The following MCUB variants were observed in gnomAD, a reference collection of about 807,000 sequenced individuals.
The protein encoded by MCUB is mitochondrial calcium uniporter dominant negative subunit beta, also known as calcium uniporter regulatory subunit MCUb, mitochondrial.
A neutral mutation model predicts 41.4 loss-of-function variants in MCUB; 46 were observed. The ratio of observed to expected loss-of-function variants is 1.11; its 90% CI spans 0.88 to 1.42. MCUB has a LOEUF of 1.42. MCUB is among the 40% of genes most tolerant of loss of function. MCUB has a pLI of 0.00. For synonymous variants in MCUB, 148 were observed against 148.2 expected, an observed-to-expected ratio of 1.00 and a Z score of 0.01; for missense variants, 403 against 404.9, an observed-to-expected ratio of 1.00 and a Z score of 0.04.
At chr4:109,592,386 G>C (rs1727458072) in intron 1 of MCUB, among the ~76,000 whole-genome samples, 1 of 151,582 alleles carries the variant, frequency 6.6e-6, no homozygotes, top group South Asian at 2.1e-4. Flanking sequence ...TTCCAGCCTG[G>C]GTGACAGAAC....
chr4:109,626,758 A>T (rs11734973), intron 1 of MCUB, among the ~76,000 whole-genome samples: 3 of 108,304 alleles, frequency 2.8e-5, no homozygotes, highest in Admixed American at 8.2e-5. Flanking sequence ...GGTTGCAGTG[A>T]GCTGAGATCA....
intron 1 of MCUB, among the ~76,000 whole-genome samples, chr4:109,656,079 C>G (rs1729090265): frequency 1.3e-5 from 2 of 152,000 alleles, no homozygotes; most frequent in Admixed American, 1.3e-4. Context: ...AGTAGTACAC[C>G]TGCAACTTTA....
Position 109,685,074 on chromosome 4 carries a change from T to G in MCUB, c.817-177T>G, listed in dbSNP as rs1579101122. The G allele has an allele frequency of 1.0e-5, 5 of 477,082 alleles. No individual in the cohort carries two copies. The East Asian group carries it at 1.6e-4, about 15-fold the overall frequency. The allele number at this position is 477,082 out of a possible 1,614,324, so 29.6% of individuals were successfully genotyped here. A position where few individuals can be genotyped will look rare whatever the true frequency, so the allele number is the denominator to read the frequency against. On this transcript the variant is annotated intron_variant, in intron 6 of 7. Transcript: ENST00000394650. The stretch of plus-strand genomic sequence containing the variant: ...CTGTTTTTGAAAGGAGCAGCAGATC[T>G]TAAATGAGACTAAATGTTTTGTGTT...
At chr4:109,576,349 T>G (rs1727028873) in intron 1 of MCUB, among the ~76,000 whole-genome samples, 1 of 152,164 alleles carries the variant, frequency 6.6e-6, no homozygotes, top group African/African-American at 2.4e-5. Context: ...AAATAACAAA[T>G]ATATATGAAG....
At chr4:109,666,122 T>C (rs1454476947) in intron 4 of MCUB, among the ~76,000 whole-genome samples, 1 of 152,180 alleles carries the variant, frequency 6.6e-6, no homozygotes, top group Admixed American at 6.5e-5. Flanking sequence ...CTTTCATGTG[T>C]TTCAGAGCTT....
rs1014801849 is a variant in MCUB, at chr4:109,688,576, TATCA to T, written c.*987_*990del. 1 of 152,168 alleles carries T rather than the reference TATCA, an allele frequency of 6.6e-6. No individual in the cohort carries two copies. The highest frequency in any genetic ancestry group is 2.4e-5 in the African/African-American group (1 of 41,424). 9.4% of individuals were successfully genotyped at this position (152,168 alleles called of 1,614,324 possible). A position where few individuals can be genotyped will look rare whatever the true frequency, so the allele number is the denominator to read the frequency against. ...TTTAAATGACCGAGTAAAAAACATC[TATCA>T]ATTACACAAATGAACAAGAATGTGA... is the stretch of plus-strand genomic sequence containing the variant. On this transcript the variant is annotated 3_prime_UTR_variant, in exon 8 of 8. Transcript: ENST00000394650.
chr4:109,582,520 TATAATAATA>T (rs1266567142), intron 1 of MCUB, among the ~76,000 whole-genome samples: 1 of 143,298 alleles, frequency 7.0e-6, no homozygotes, highest in Non-Finnish European at 1.5e-5. Context: ...AAACTTAAAG[TATAATAATA>T]ATAAAATTTA....
rs58348117 is a variant in MCUB at position 109,636,870 on chromosome 4, A to C, written c.100-22141A>C. Among the ~76,000 whole-genome samples the C allele has an allele frequency of 7.1e-3, 1,080 of 152,270 alleles. 7 individuals are homozygous for C. Among genetic ancestry groups the C allele is most frequent in the African/African-American group, 0.025 (1,042 of 41,546 alleles). On this transcript the variant is annotated intron_variant, in intron 1 of 7. Coordinates refer to ENST00000394650, the MANE Select transcript of MCUB (RefSeq NM_017918.5). ...AACAAAAATGTTTCAAGGAAGAGAG[A>C]GTGATCAAAAGTGGCGATTGCTTCT...
chr4:109,620,437 CCCTTGACCCTA>C, intron 1 of MCUB, among the ~76,000 whole-genome samples: 1 of 150,354 alleles, frequency 6.7e-6, no homozygotes, highest in African/African-American at 2.4e-5. Context: ...AGTTGCCCCT[CCCTTGACCCTA>C]AAATGTATTG....
chr4:109,575,929 C>T (rs1281118280), intron 1 of MCUB, among the ~76,000 whole-genome samples: 1 of 152,154 alleles, frequency 6.6e-6, no homozygotes, highest in African/African-American at 2.4e-5. Context: ...CTGGTTTAGT[C>T]GAATTGGCCA....
chr4:109,653,685 T>G (rs1449552595), intron 1 of MCUB, among the ~76,000 whole-genome samples: 1 of 152,190 alleles, frequency 6.6e-6, no homozygotes, highest in Non-Finnish European at 1.5e-5. Context: ...CGAGTGAGTC[T>G]TCTGCCTCAG....
Position 109,560,405 on chromosome 4 carries a change from C to T in MCUB, c.68C>T (p.Ala23Val). The T allele has an allele frequency of 9.1e-6, 12 of 1,318,382 alleles. No homozygotes were observed. The highest frequency in any genetic ancestry group is 9.7e-6 in the Non-Finnish European group (10 of 1,033,750). 81.7% of individuals were successfully genotyped at this position (1,318,382 alleles called of 1,614,324 possible). The change falls in exon 1 of 8, where the codon GCG (alanine) becomes GTG (valine). Residue 23 changes from alanine (A) to valine (V), a missense_variant. Transcript: ENST00000394650. ...CCGACCCCTGGCACCTGGCGCCCAG[C>T]GCGCCCGTGGCCGCTGCCGCCTCCG... The part of the protein sequence containing the change: ...LLPTPGTWRP[A>V]RPWPLPPPPQ...
intron 3 of MCUB, among the ~76,000 whole-genome samples, chr4:109,661,807 T>C (rs1307147201): frequency 6.6e-6 from 1 of 151,890 alleles, no homozygotes; most frequent in Non-Finnish European, 1.5e-5. Flanking sequence ...CCGAGGTGGG[T>C]GGATCACCTG....
At chr4:109,561,618 G>A (rs1203657492) in intron 1 of MCUB, among the ~76,000 whole-genome samples, 3 of 152,196 alleles carry the variant, frequency 2.0e-5, no homozygotes, top group East Asian at 3.9e-4. Context: ...TGGGGAGATG[G>A]GCTTTTTATA....
intron 1 of MCUB, among the ~76,000 whole-genome samples, chr4:109,630,274 A>G (rs1377604635): frequency 6.6e-6 from 1 of 152,190 alleles, no homozygotes; most frequent in Non-Finnish European, 1.5e-5. Flanking sequence ...AGCATGGTCA[A>G]CATAGCAATA....
At position 109,660,304 on chromosome 4, in the gene MCUB, A is replaced by C. The variant is rs781249038; in HGVS notation, c.285A>C (p.Ser95=). ...AACCAATGTTGTCAACAGTTGGTTC[A>C]TTCCTTCAGGACCTACAAAATGAAG... The part of the protein sequence containing the change: ...VVKPMLSTVG[S]FLQDLQNEDK... Residue 95 remains serine, a synonymous_variant, in exon 3 of 8, where the codon TCA becomes TCC. Coordinates refer to ENST00000394650, the MANE Select transcript of MCUB (RefSeq NM_017918.5). 2.0e-5 allele frequency: 32 copies of C among 1,607,312 alleles called. No individual in the cohort carries two copies. The highest frequency in any genetic ancestry group is 2.7e-5 in the Non-Finnish European group (32 of 1,173,936).
rs982663516 is a variant in MCUB, at chr4:109,658,517, G to A, written c.100-494G>A. On this transcript the variant is annotated intron_variant, in intron 1 of 7. Coordinates refer to ENST00000394650, the MANE Select transcript of MCUB (RefSeq NM_017918.5). ...TCTCCATGTTGGTCAGGCTGGTCGC[G>A]AACTCCTGACCTCAGGTGATTCGCC... Among the ~76,000 whole-genome samples the A allele has an allele frequency of 3.3e-5, 5 of 152,008 alleles. No individual in the cohort carries two copies. The East Asian group carries it at 9.6e-4, about 29-fold the overall frequency.
At chr4:109,632,360 C>A (rs1728491835) in intron 1 of MCUB, among the ~76,000 whole-genome samples, 3 of 144,682 alleles carry the variant, frequency 2.1e-5, no homozygotes. Context: ...CTAGAGAAAT[C>A]TAATCTAAAA....
chr4:109,566,105 C>T (rs908041977), intron 1 of MCUB, among the ~76,000 whole-genome samples: 7 of 151,522 alleles, frequency 4.6e-5, no homozygotes, highest in Non-Finnish European at 8.8e-5. Context: ...ATCCTCCTGC[C>T]TTGGCCACCC....
Sources: allele counts gnomAD v4.1 joint callset (sites outside exome capture counted in the v4.1 genomes callset), GRCh38; gene constraint gnomAD v4.1.1; transcripts MANE v1.5; gene names NCBI Gene and HGNC (gene_info 2026-07-23, HGNC 2026-07-21).